Variants in NTRK2 observed in about 807,000 individuals in gnomAD.
NTRK2 encodes the protein neurotrophic receptor tyrosine kinase 2, also known as BDNF/NT-3 growth factors receptor.
Under a neutral mutation model 94.5 loss-of-function variants are expected in NTRK2, and 13 were observed. The observed-to-expected ratio is 0.14, with a 90% confidence interval of 0.09 to 0.22. The LOEUF is 0.22. Among genes scored for constraint, NTRK2 ranks in the 10% least tolerant of loss-of-function variants. NTRK2 has a pLI of 1.00. For synonymous variants in NTRK2, 372 were observed against 407.4 expected, an observed-to-expected ratio of 0.91 and a Z score of 1.05; for missense variants, 639 against 1,071.2, an observed-to-expected ratio of 0.60 and a Z score of 5.63.
chr9:84,802,260 TGGCCCTCC>T (rs2070568548), intron 12 of NTRK2, among the ~76,000 whole-genome samples: 1 of 152,214 alleles, frequency 6.6e-6, no homozygotes, highest in Admixed American at 6.5e-5. Flanking sequence ...ATGCCTTAGC[TGGCCCTCC>T]ATACTTTAAA....
chr9:84,878,781 A>T (rs974471814), intron 14 of NTRK2, among the ~76,000 whole-genome samples: 1 of 151,972 alleles, frequency 6.6e-6, no homozygotes, highest in Non-Finnish European at 1.5e-5. Context: ...CAAGAATCTC[A>T]CTCCCTTTAG....
At chr9:84,674,007 C>A (rs142949166) in intron 2 of NTRK2, among the ~76,000 whole-genome samples, 3 of 152,110 alleles carry the variant, frequency 2.0e-5, no homozygotes, top group African/African-American at 7.2e-5. Flanking sequence ...TGTAACTGGC[C>A]GTTTAAATCC....
intron 12 of NTRK2, among the ~76,000 whole-genome samples, chr9:84,790,787 C>T (rs1461041730): frequency 6.6e-6 from 1 of 152,148 alleles, no homozygotes; most frequent in Non-Finnish European, 1.5e-5. Context: ...CAAGATAGAA[C>T]CTGGGGACAC....
At chr9:84,795,402 G>GAACT (rs1302727335) in intron 12 of NTRK2, among the ~76,000 whole-genome samples, 4 of 152,146 alleles carry the variant, frequency 2.6e-5, no homozygotes, top group African/African-American at 7.2e-5. Flanking sequence ...GGGGACAGAG[G>GAACT]AACTATGGAT....
chr9:84,893,810 T>A (rs1015284465), intron 14 of NTRK2, among the ~76,000 whole-genome samples: 1 of 152,204 alleles, frequency 6.6e-6, no homozygotes, highest in South Asian at 2.1e-4. Flanking sequence ...CTGCCTTCAA[T>A]GTAGTAAAAG....
intron 15 of NTRK2, among the ~76,000 whole-genome samples, chr9:84,945,467 C>A (rs1246741368): frequency 6.6e-6 from 1 of 152,122 alleles, no homozygotes; most frequent in Admixed American, 6.5e-5. Flanking sequence ...AGGAGAAGGA[C>A]CCAGCAGATA....
chr9:84,781,781 G>C (rs1402308881), intron 12 of NTRK2, among the ~76,000 whole-genome samples: 6 of 152,106 alleles, frequency 3.9e-5, no homozygotes, highest in Non-Finnish European at 8.8e-5. Flanking sequence ...TTTAAATGCA[G>C]TAAATAGAAG....
At chr9:85,008,702 G>T (rs61067221) in intron 17 of NTRK2, among the ~76,000 whole-genome samples, 1 of 152,314 alleles carries the variant, frequency 6.6e-6, no homozygotes, top group East Asian at 1.9e-4. Context: ...AGAAGCCTGG[G>T]TCTTCACTGT....
At chr9:84,760,960 C>A (rs537558282) in intron 12 of NTRK2, among the ~76,000 whole-genome samples, 17 of 152,316 alleles carry the variant, frequency 1.1e-4, no homozygotes, top group African/African-American at 4.1e-4. Flanking sequence ...AAATTAAATT[C>A]TTCCTTATGC....
In NTRK2 at chr9:84,723,716, C is replaced by T; in HGVS notation, c.720+7C>T. The T allele has an allele frequency of 6.2e-7, 1 of 1,613,898 alleles. No individual in the cohort carries two copies. On this transcript the variant is annotated splice_region_variant and intron_variant, in intron 7 of 18. Transcript: ENST00000277120. ...CCTGGTTTCCAAACATATGGTAAGG[C>T]TTGTGTTTGGCTGTGTCTTAATAGA...
At chr9:84,863,506 C>T (rs1379790737) in intron 13 of NTRK2, among the ~76,000 whole-genome samples, 1 of 152,130 alleles carries the variant, frequency 6.6e-6, no homozygotes, top group Non-Finnish European at 1.5e-5. Context: ...CCCCTTTATT[C>T]TTCTGTCTTT....
At chr9:84,987,935 G>A (rs946904040) in intron 17 of NTRK2, among the ~76,000 whole-genome samples, 2 of 152,064 alleles carry the variant, frequency 1.3e-5, no homozygotes, top group African/African-American at 4.8e-5. Flanking sequence ...CTTAAATACT[G>A]CAGTTACTTC....
intron 12 of NTRK2, chr9:84,814,093 A>G: frequency 3.8e-6 from 4 of 1,065,458 alleles, no homozygotes; most frequent in Non-Finnish European, 4.5e-6. Context: ...CCAGTCTCCC[A>G]GCAGGGACTG....
chr9:84,831,520 A>G (rs949627234), intron 12 of NTRK2, among the ~76,000 whole-genome samples: 2 of 152,198 alleles, frequency 1.3e-5, no homozygotes, highest in Non-Finnish European at 2.9e-5. Flanking sequence ...GCACTTTAGC[A>G]TATACCAGAC....
intron 17 of NTRK2, 42 bp downstream of exon 17, chr9:84,955,559 C>T (rs2132981539): frequency 6.7e-7 from 1 of 1,488,142 alleles, no homozygotes; most frequent in South Asian, 1.1e-5. Flanking sequence ...GACCTCTTTC[C>T]CTGCGGGACC....
chr9:84,837,307 T>C (rs2073934639), intron 12 of NTRK2, among the ~76,000 whole-genome samples: 2 of 151,908 alleles, frequency 1.3e-5, no homozygotes, highest in Non-Finnish European at 2.9e-5. Flanking sequence ...AACTAGGGGG[T>C]TTGGCTATGG....
intron 17 of NTRK2, among the ~76,000 whole-genome samples, chr9:84,975,079 C>T (rs892269875): frequency 6.6e-6 from 1 of 152,114 alleles, no homozygotes; most frequent in Non-Finnish European, 1.5e-5. Context: ...GGCACCCTCC[C>T]CCGGGGGAGC....
intron 14 of NTRK2, among the ~76,000 whole-genome samples, chr9:84,868,143 T>C (rs1465651710): frequency 2.0e-5 from 3 of 152,190 alleles, no homozygotes; most frequent in African/African-American, 4.8e-5. Context: ...AAACCCACAG[T>C]GGACAAACAG....
At chr9:84,878,556 C>T (rs1030994790) in intron 14 of NTRK2, among the ~76,000 whole-genome samples, 5 of 151,816 alleles carry the variant, frequency 3.3e-5, no homozygotes, top group African/African-American at 1.2e-4. Flanking sequence ...ATCGCTTGAA[C>T]CCAGGAGGCG....
Sources: gnomAD v4.1 joint callset for allele counts (sites outside exome capture counted in the v4.1 genomes callset) on GRCh38, gnomAD v4.1.1 for gene constraint, MANE v1.5 for transcripts, NCBI Gene and HGNC (gene_info 2026-07-23, HGNC 2026-07-21) for gene names.